HERC2: variants seen among roughly 807,000 people sequenced by gnomAD.
The protein encoded by HERC2 is HECT and RLD domain containing E3 ubiquitin protein ligase 2.
In HERC2, 102 loss-of-function variants were observed where a neutral mutation model predicts 537.7. That is an observed-to-expected ratio of 0.19 (90% CI 0.16 to 0.22). The LOEUF (loss-of-function observed/expected upper bound fraction) is 0.22. HERC2 is among the 10% of genes least tolerant of loss of function. The probability of loss-of-function intolerance (pLI) is 1.00; values close to 1 mark genes in which losing one functional copy is unlikely to be tolerated. For missense variants in HERC2, 4,236 were observed against 6,198.2 expected (o/e 0.68, Z 10.63); for synonymous variants, 2,224 against 2,466.2 (o/e 0.90, Z 2.91).
intron 26 of HERC2, among the ~76,000 whole-genome samples, chr15:28,236,611 A>G (rs1380349233): frequency 6.8e-6 from 1 of 147,768 alleles, no homozygotes; most frequent in Non-Finnish European, 1.5e-5. Flanking sequence ...TTTTAAAGAG[A>G]GAGTCTTGCT....
chr15:28,200,154 T>C lies in HERC2; in HGVS notation c.7716+1302A>G, dbSNP rs138559354. ...GCTCACGCCTATAATCCCAGCACTT[T>C]GGGAGGCCAAGGCAGGCGGATCACC... On this transcript the variant is annotated intron_variant, in intron 48 of 92. Coordinates refer to ENST00000261609, the MANE Select transcript of HERC2 (RefSeq NM_004667.6). 4.5e-3 allele frequency among the ~76,000 whole-genome samples: 681 copies of C among 152,230 alleles called. 1 individual carries two copies. Among genetic ancestry groups the C allele is most frequent in the African/African-American group, 0.016 (650 of 41,530 alleles).
chr15:28,246,847 G>A lies in HERC2; in HGVS notation c.3286C>T (p.Leu1096=). ...AGTATATCTCCAATGTGCGTGCACA[G>A]GAGGGCTGTGTACTTCTTCAGCAAG... is the stretch of plus-strand genomic sequence containing the variant. ...GSLLKKYTAL[L]CTHIGDILPV... is the part of the protein sequence containing the mutation. Residue 1096 remains leucine (L), a synonymous_variant, in exon 22 of 93, where the codon CTG becomes TTG. Coordinates refer to ENST00000261609, the MANE Select transcript of HERC2 (RefSeq NM_004667.6). 6.2e-7 allele frequency: 1 copy of A among 1,612,064 alleles called. No individual in the cohort carries two copies. Among genetic ancestry groups the A allele is most frequent in the Middle Eastern group, 1.7e-4 (1 of 6,060 alleles).
At position 28,168,472 on chromosome 15, in the gene HERC2, C is replaced by G. The variant is rs1157828141; in HGVS notation, c.10348G>C (p.Glu3450Gln). The part of the protein sequence containing the change: ...SAMASPMNGE[E>Q]CMLAVDIEDR... ...TCGATATCAACAGCCAGCATGCATTCTTCTCCATTCATGGGACTAGCCATC... is the reference window on the plus strand; with the variant it reads ...TCGATATCAACAGCCAGCATGCATTGTTCTCCATTCATGGGACTAGCCATC... Residue 3450 changes from glutamate (E) to glutamine (Q), a missense_variant, in exon 67 of 93, where the codon GAA becomes CAA. Coordinates refer to ENST00000261609, the MANE Select transcript of HERC2 (RefSeq NM_004667.6). The G allele has an allele frequency of 1.2e-6, 2 of 1,614,110 alleles. No homozygotes were observed. The highest frequency in any genetic ancestry group is 1.7e-6 in the Non-Finnish European group (2 of 1,180,036).
At chr15:28,189,432 C>T (rs963579844) in intron 55 of HERC2, among the ~76,000 whole-genome samples, 1 of 152,172 alleles carries the variant, frequency 6.6e-6, no homozygotes, top group South Asian at 2.1e-4. Context: ...AGGCTGTATT[C>T]GGTTACATTG....
chr15:28,146,115 T>A, intron 71 of HERC2, 122 bp downstream of exon 71: 1 of 687,622 alleles, frequency 1.5e-6, no homozygotes, highest in African/African-American at 1.8e-5. Flanking sequence ...AATAGCATAT[T>A]GTCCCTTCCT....
intron 86 of HERC2, 69 bp from the exon 87 acceptor site, chr15:28,117,223 G>A (rs543355525): frequency 2.4e-5 from 35 of 1,487,540 alleles, no homozygotes; most frequent in East Asian, 4.5e-5. Flanking sequence ...GGGGATATGC[G>A]GCACTGGCGA....
intron 10 of HERC2, among the ~76,000 whole-genome samples, chr15:28,270,493 T>C (rs1045398236): frequency 1.1e-4 from 17 of 151,350 alleles, no homozygotes; most frequent in Non-Finnish European, 2.4e-4. Context: ...CCAGGTTGGG[T>C]CGCCAGGCCT....
intron 68 of HERC2, among the ~76,000 whole-genome samples, chr15:28,164,464 A>G (rs7180370): frequency 1.8e-3 from 273 of 152,326 alleles, no homozygotes; most frequent in African/African-American, 5.9e-3. Flanking sequence ...TAACTCACTG[A>G]AGGACAGCAA....
chr15:28,130,572 C>A lies in HERC2; in HGVS notation c.12593G>T (p.Gly4198Val), dbSNP rs768911637. 1 of 1,613,788 alleles carries A rather than the reference C, an allele frequency of 6.2e-7. No homozygotes were observed. Among genetic ancestry groups the A allele is most frequent in the East Asian group, 2.2e-5 (1 of 44,868 alleles). Residue 4198 changes from glycine to valine, a missense_variant, in exon 82 of 93, where the codon GGA becomes GTA. Physicochemically the swap from Gly to Val is moderately radical, Grantham distance 109. Coordinates refer to ENST00000261609, the MANE Select transcript of HERC2 (RefSeq NM_004667.6). ...PMKIDSLTGL[G>V]VVKVECGSQF... ...GGATCCGCATTCCACTTTAACTACT[C>A]CAAGACCAGTAAGAGAATCAATCTA... is the stretch of plus-strand genomic sequence containing the variant.
rs1441630023 is a variant in HERC2 at position 28,152,679 on chromosome 15, G to A, written c.10898C>T (p.Pro3633Leu). The A allele has an allele frequency of 1.9e-6, 3 of 1,548,138 alleles. No individual in the cohort carries two copies. Among genetic ancestry groups the A allele is most frequent in the Non-Finnish European group, 2.6e-6 (3 of 1,145,382 alleles). The change falls in exon 70 of 93, where the codon CCA (proline) becomes CTA (leucine). Residue 3633 changes from proline to leucine, a missense_variant and splice_region_variant. Coordinates refer to ENST00000261609, the MANE Select transcript of HERC2 (RefSeq NM_004667.6). ...DTSTSGTVKI[P>L]GAEGLRVEFD... is the part of the protein sequence containing the mutation. ...CCCGCTGGGGCCAGCCCCTGTACCTGGTATCTTCACTGTGCCACTGGTGGA... is the reference window on the plus strand; with the variant it reads ...CCCGCTGGGGCCAGCCCCTGTACCTAGTATCTTCACTGTGCCACTGGTGGA...
chr15:28,188,591 A>C (rs2140245729), intron 55 of HERC2, among the ~76,000 whole-genome samples: 1 of 151,876 alleles, frequency 6.6e-6, no homozygotes, highest in Admixed American at 6.6e-5. Flanking sequence ...AATGGTACCA[A>C]GGTTATATTT....
chr15:28,159,159 T>C (rs900206521), intron 69 of HERC2, among the ~76,000 whole-genome samples: 1 of 152,226 alleles, frequency 6.6e-6, no homozygotes, highest in Non-Finnish European at 1.5e-5. Flanking sequence ...TCTCTCTGGC[T>C]GCCCTTAACA....
rs778302934 is a variant in HERC2, at chr15:28,130,284, G to A, written c.12681C>T (p.His4227=). ...GGTCATCTGATCCATGGCCCAACCT[G>A]TGATAATCGCCTTTGCCCCTGCACA... The part of the protein sequence containing the change: ...AVYTWGKGDY[H]RLGHGSDDHV... Residue 4227 remains histidine, a synonymous_variant, in exon 83 of 93, where the codon CAC becomes CAT. Coordinates refer to ENST00000261609, the MANE Select transcript of HERC2 (RefSeq NM_004667.6). 9 of 1,614,144 alleles carry A rather than the reference G, an allele frequency of 5.6e-6. No individual in the cohort carries two copies. Among genetic ancestry groups the A allele is most frequent in the Admixed American group, 5.0e-5 (3 of 60,028 alleles).
At chr15:28,303,388 T>C (rs1457328872) in intron 2 of HERC2, among the ~76,000 whole-genome samples, 1 of 152,090 alleles carries the variant, frequency 6.6e-6, no homozygotes, top group Admixed American at 6.6e-5. Flanking sequence ...ACCAGTACCA[T>C]GCTGTTTTGG....
Position 28,111,697 on chromosome 15 carries a change from T to G in HERC2, c.*66A>C. 1.3e-6 allele frequency: 2 copies of G among 1,546,920 alleles called. No individual in the cohort carries two copies. Among genetic ancestry groups the G allele is most frequent in the East Asian group, 4.5e-5 (2 of 44,322 alleles). On this transcript the variant is annotated 3_prime_UTR_variant, in exon 93 of 93. Transcript: ENST00000261609. ...ATCAGACACACCAGGCAGCCTACAG[T>G]CTACACAGCAGCGAGCGCTCTGCTG...
At chr15:28,307,549 T>G (rs1181668439) in intron 2 of HERC2, among the ~76,000 whole-genome samples, 1 of 152,248 alleles carries the variant, frequency 6.6e-6, no homozygotes, top group African/African-American at 2.4e-5. Context: ...GTGTTGCCAT[T>G]GCCATTTGTT....
At chr15:28,158,978 T>C (rs1893298749) in intron 69 of HERC2, among the ~76,000 whole-genome samples, 1 of 152,192 alleles carries the variant, frequency 6.6e-6, no homozygotes, top group Non-Finnish European at 1.5e-5. Flanking sequence ...AAGGATTTTA[T>C]TTCTCCTTCA....
chr15:28,297,718 A>T (rs1257934859), intron 3 of HERC2, among the ~76,000 whole-genome samples: 1 of 152,182 alleles, frequency 6.6e-6, no homozygotes, highest in Non-Finnish European at 1.5e-5. Flanking sequence ...AAGGGGCAGG[A>T]CACCAGAGAA....
intron 88 of HERC2, 125 bp downstream of exon 88, chr15:28,116,540 C>G: frequency 9.8e-7 from 1 of 1,019,864 alleles, no homozygotes; most frequent in Non-Finnish European, 1.4e-6. Flanking sequence ...TTATTGGTAA[C>G]AGTCTCAAAA....
Sources: allele counts gnomAD v4.1 joint callset (sites outside exome capture counted in the v4.1 genomes callset), GRCh38; gene constraint gnomAD v4.1.1; transcripts MANE v1.5; gene names NCBI Gene and HGNC (gene_info 2026-07-23, HGNC 2026-07-21).